The following CEP126 variants were observed in gnomAD, a reference collection of about 807,000 sequenced individuals.
CEP126 encodes the protein centrosomal protein of 126 kDa.
A neutral mutation model predicts 107.8 loss-of-function variants in CEP126; 74 were observed. The ratio of observed to expected loss-of-function variants is 0.69; its 90% CI spans 0.57 to 0.83. The LOEUF (loss-of-function observed/expected upper bound fraction) is 0.83, where lower values mean the gene tolerates loss of function less well. Among genes scored for constraint, CEP126 ranks in the 40% least tolerant of loss-of-function variants. The probability of loss-of-function intolerance (pLI) is 0.00; values close to 1 mark genes in which losing one functional copy is unlikely to be tolerated. For synonymous variants in CEP126, 449 were observed against 446.0 expected, an observed-to-expected ratio of 1.01 and a Z score of -0.08; for missense variants, 1,237 against 1,281.9, an observed-to-expected ratio of 0.96 and a Z score of 0.53.
intron 4 of CEP126, among the ~76,000 whole-genome samples, chr11:101,954,044 G>GTTTGT (rs1430984360): frequency 2.0e-5 from 3 of 148,928 alleles, no homozygotes; most frequent in Admixed American, 6.7e-5. Flanking sequence ...TTGTTTGTTT[G>GTTTGT]TTTTGAGACA....
rs543724334 is a variant in CEP126 at position 101,981,795 on chromosome 11, AT to A, written c.2959-93del. On this transcript the variant is annotated intron_variant, in intron 7 of 10. Coordinates refer to ENST00000263468, the MANE Select transcript of CEP126 (RefSeq NM_020802.4). Reference sequence around the variant, plus strand: ...TACATGAACAATTGTAGCTAAAAATATATACAGCAATTAAAAGTTTTTTAAA... The same window carrying A: ...TACATGAACAATTGTAGCTAAAAATAATACAGCAATTAAAAGTTTTTTAAA... 356 of 668,946 alleles carry A rather than the reference AT, an allele frequency of 5.3e-4. 1 individual carries two copies. The African/African-American group carries it at 6.2e-3, about 12-fold the overall frequency. The allele number at this position is 668,946 out of a possible 1,614,324, so 41.4% of individuals were successfully genotyped here. A position where few individuals can be genotyped will look rare whatever the true frequency, so the allele number is the denominator to read the frequency against.
intron 5 of CEP126, 109 bp downstream of exon 5, chr11:101,958,475 A>G (rs1940929959): frequency 2.4e-6 from 2 of 840,438 alleles, no homozygotes; most frequent in African/African-American, 1.7e-5. Context: ...AGAGCAGGCC[A>G]TGAAAGACAG....
intron 2 of CEP126, among the ~76,000 whole-genome samples, chr11:101,926,204 G>A (rs1029876251): frequency 2.6e-5 from 4 of 152,128 alleles, no homozygotes; most frequent in Non-Finnish European, 5.9e-5. Flanking sequence ...TTCTATGGAA[G>A]CACATGCCAT....
chr11:101,921,972 G>T (rs1306386393), intron 1 of CEP126, among the ~76,000 whole-genome samples: 1 of 150,790 alleles, frequency 6.6e-6, no homozygotes, highest in African/African-American at 2.4e-5. Flanking sequence ...TTTCAGTAGA[G>T]ACAGGTTTCA....
At chr11:101,977,624 C>CT in intron 6 of CEP126, among the ~76,000 whole-genome samples, 1 of 122,558 alleles carries the variant, frequency 8.2e-6, no homozygotes, top group East Asian at 2.3e-4. Flanking sequence ...GAGCAAGACT[C>CT]TGTCTCAAAA....
chr11:101,923,159 T>C (rs920989052), intron 2 of CEP126, among the ~76,000 whole-genome samples: 4 of 152,200 alleles, frequency 2.6e-5, no homozygotes, highest in Non-Finnish European at 5.9e-5. Context: ...ATATAATTTT[T>C]CTATATCTGC....
intron 4 of CEP126, among the ~76,000 whole-genome samples, chr11:101,950,749 T>C (rs1940801129): frequency 6.6e-6 from 1 of 152,188 alleles, no homozygotes; most frequent in African/African-American, 2.4e-5. Context: ...ATTCAGAGTG[T>C]CGGGACTACA....
rs573862820 is a variant in CEP126 at position 101,962,644 on chromosome 11, A to G, written c.1609A>G (p.Lys537Glu). ...IPHNPDSKDE[K>E]QKLAETSSLS... is the part of the protein sequence containing the mutation. ...TCACAATCCTGATTCAAAAGATGAA[A>G]AACAAAAATTAGCTGAAACATCATC... The change falls in exon 6 of 11, where the codon AAA (lysine) becomes GAA (glutamate). Residue 537 changes from lysine (K) to glutamate (E), a missense_variant. Lys to Glu is a moderately conservative substitution (Grantham distance 56, BLOSUM62 1). Transcript: ENST00000263468. The G allele has an allele frequency of 5.5e-4, 891 of 1,612,810 alleles. 15 individuals are homozygous for G. In the South Asian group the frequency reaches 9.5e-3, roughly 17 times the overall value.
chr11:101,917,014 G>A (rs1231261322), intron 1 of CEP126, among the ~76,000 whole-genome samples: 2 of 145,788 alleles, frequency 1.4e-5, no homozygotes, highest in Non-Finnish European at 3.0e-5. Flanking sequence ...AATAGACTTT[G>A]ATAAAATCCA....
At chr11:101,982,818 T>C (rs916872412) in intron 8 of CEP126, among the ~76,000 whole-genome samples, 2 of 152,140 alleles carry the variant, frequency 1.3e-5, no homozygotes, top group Non-Finnish European at 2.9e-5. Flanking sequence ...AAATCCAAAA[T>C]TTTTTGACCC....
At chr11:101,974,860 G>T (rs190838759) in intron 6 of CEP126, among the ~76,000 whole-genome samples, 1 of 152,014 alleles carries the variant, frequency 6.6e-6, no homozygotes, top group African/African-American at 2.4e-5. Context: ...CTTTAACTGC[G>T]ATCAATAATC....
intron 4 of CEP126, among the ~76,000 whole-genome samples, chr11:101,949,043 T>G (rs1171747851): frequency 6.6e-6 from 1 of 152,208 alleles, no homozygotes; most frequent in African/African-American, 2.4e-5. Flanking sequence ...GACAGAGAAT[T>G]CTTCAGCAAA....
intron 6 of CEP126, among the ~76,000 whole-genome samples, chr11:101,976,189 T>C (rs1248456889): frequency 1.3e-5 from 2 of 152,230 alleles, no homozygotes; most frequent in Non-Finnish European, 2.9e-5. Flanking sequence ...CTAATTTAGA[T>C]TCCCACCAGC....
At chr11:101,917,514 C>G (rs560983517) in intron 1 of CEP126, among the ~76,000 whole-genome samples, 22 of 151,560 alleles carry the variant, frequency 1.5e-4, no homozygotes, top group African/African-American at 5.1e-4. Flanking sequence ...AACAACAAAA[C>G]CTTATGAAGT....
chr11:101,982,667 T>C (rs1366680981), intron 8 of CEP126, among the ~76,000 whole-genome samples: 3 of 152,212 alleles, frequency 2.0e-5, no homozygotes, highest in Non-Finnish European at 4.4e-5. Context: ...TCTACTTATA[T>C]TGTATTTTCA....
Position 101,961,828 on chromosome 11 carries a change from T to C in CEP126, c.793T>C (p.Tyr265His), listed in dbSNP as rs752991138. The change falls in exon 6 of 11, where the codon TAT becomes CAT. Residue 265 changes from tyrosine to histidine, a missense_variant. Tyr to His is a moderately conservative substitution (Grantham distance 83, BLOSUM62 2). This residue lies in a region of CEP126 where 1,134 missense variants were observed against 1,150.5 expected (regional missense o/e 0.99). Coordinates refer to ENST00000263468, the MANE Select transcript of CEP126 (RefSeq NM_020802.4). ...TGAGGCTACAGAGCATGAAGAAATA[T>C]ATTTAACACTTAATAAGGAGCATTC... ...SLEATEHEEIYLTLNKEHSTS... is the reference protein window; with the variant it reads ...SLEATEHEEIHLTLNKEHSTS... 1.1e-5 allele frequency: 18 copies of C among 1,610,758 alleles called. No individual in the cohort carries two copies. The highest frequency in any genetic ancestry group is 1.5e-5 in the Non-Finnish European group (18 of 1,177,932).
chr11:101,970,514 A>G (rs901067867), intron 6 of CEP126, among the ~76,000 whole-genome samples: 1 of 150,676 alleles, frequency 6.6e-6, no homozygotes, highest in Non-Finnish European at 1.5e-5. Flanking sequence ...GTTTATTCTC[A>G]ATTCATGCAC....
chr11:101,941,014 T>C (rs1312811386), intron 2 of CEP126, among the ~76,000 whole-genome samples: 4 of 152,128 alleles, frequency 2.6e-5, no homozygotes, highest in Admixed American at 2.6e-4. Context: ...GACACGTGAT[T>C]TTATCTACTT....
At chr11:101,974,220 A>G (rs943278327) in intron 6 of CEP126, among the ~76,000 whole-genome samples, 6 of 152,236 alleles carry the variant, frequency 3.9e-5, no homozygotes, top group Non-Finnish European at 7.3e-5. Context: ...AATTTTAGGC[A>G]GTAACAAGCA....
Sources: allele counts gnomAD v4.1 joint callset (sites outside exome capture counted in the v4.1 genomes callset), GRCh38; gene constraint gnomAD v4.1.1; regional missense constraint gnomAD v4.1.1; transcripts MANE v1.5; gene names NCBI Gene and HGNC (gene_info 2026-07-23, HGNC 2026-07-21).